Variants in DNM3 observed in about 807,000 individuals in gnomAD.
DNM3 encodes dynamin-3.
DNM3 carries 47 observed loss-of-function variants against 101.6 expected under a neutral mutation model. That is an observed-to-expected ratio of 0.46 (90% CI 0.37 to 0.59). DNM3 has a LOEUF of 0.59. Ranked by LOEUF, DNM3 falls within the 20% of genes least tolerant of loss-of-function variation. DNM3 has a pLI of 0.00. For synonymous variants in DNM3, 385 were observed against 387.9 expected, an observed-to-expected ratio of 0.99 and a Z score of 0.09; for missense variants, 849 against 1,085.7, an observed-to-expected ratio of 0.78 and a Z score of 3.06.
chr1:172,010,984 G>A (rs2047088244), intron 4 of DNM3, among the ~76,000 whole-genome samples: 1 of 151,258 alleles, frequency 6.6e-6, no homozygotes, highest in Non-Finnish European at 1.5e-5. Context: ...GTTGAATACT[G>A]GATATTTTGA....
intron 15 of DNM3, among the ~76,000 whole-genome samples, chr1:172,280,124 C>G (rs1250336163): frequency 1.3e-5 from 2 of 152,006 alleles, no homozygotes; most frequent in Non-Finnish European, 2.9e-5. Context: ...TGTCTGAGGG[C>G]CTTTGCATTC....
At chr1:172,219,450 T>A (rs1236323544) in intron 14 of DNM3, among the ~76,000 whole-genome samples, 2 of 141,862 alleles carry the variant, frequency 1.4e-5, no homozygotes, top group Non-Finnish European at 3.0e-5. Context: ...TTGTAAACAA[T>A]GAGGCTTGAT....
intron 2 of DNM3, among the ~76,000 whole-genome samples, chr1:171,939,482 T>C (rs1156646115): frequency 6.6e-6 from 1 of 152,172 alleles, no homozygotes; most frequent in Non-Finnish European, 1.5e-5. Context: ...ACGATTATAC[T>C]TCTCTGAACT....
intron 15 of DNM3, chr1:172,289,376 T>C (rs2063817468): frequency 5.4e-6 from 1 of 185,314 alleles, no homozygotes; most frequent in Non-Finnish European, 1.0e-5. Context: ...ACATCCATAA[T>C]TGATACAAAT....
intron 4 of DNM3, among the ~76,000 whole-genome samples, chr1:172,026,108 C>T (rs1201930537): frequency 6.6e-6 from 1 of 152,026 alleles, no homozygotes; most frequent in African/African-American, 2.4e-5. Flanking sequence ...TAGAGAAGAA[C>T]ATAAATGACC....
intron 14 of DNM3, among the ~76,000 whole-genome samples, chr1:172,172,412 A>G (rs2058995801): frequency 6.6e-6 from 1 of 151,740 alleles, no homozygotes; most frequent in African/African-American, 2.4e-5. Flanking sequence ...TAGCAAAGAC[A>G]GCATGGATAC....
At chr1:171,970,542 T>C (rs1406200677) in intron 2 of DNM3, among the ~76,000 whole-genome samples, 1 of 152,060 alleles carries the variant, frequency 6.6e-6, no homozygotes, top group Non-Finnish European at 1.5e-5. Flanking sequence ...TTATTTTAAA[T>C]GTGATAGATA....
chr1:172,352,805 ACC>A (rs2067256201), intron 17 of DNM3, among the ~76,000 whole-genome samples: 1 of 152,128 alleles, frequency 6.6e-6, no homozygotes, highest in Non-Finnish European at 1.5e-5. Flanking sequence ...TCTCTGGAAG[ACC>A]CATATGCACC....
chr1:172,134,945 T>A (rs1035560695), intron 14 of DNM3, among the ~76,000 whole-genome samples: 1 of 151,952 alleles, frequency 6.6e-6, no homozygotes, highest in Non-Finnish European at 1.5e-5. Flanking sequence ...TGATGAGAAG[T>A]TTTTTAAGCT....
chr1:172,214,926 T>G (rs1443623696), intron 14 of DNM3, among the ~76,000 whole-genome samples: 1 of 152,124 alleles, frequency 6.6e-6, no homozygotes, highest in East Asian at 1.9e-4. Flanking sequence ...ATCTATGGTG[T>G]AAAGTGCCGA....
intron 17 of DNM3, among the ~76,000 whole-genome samples, chr1:172,364,899 G>A (rs892684678): frequency 2.6e-5 from 4 of 151,866 alleles, no homozygotes; most frequent in African/African-American, 4.8e-5. Flanking sequence ...CACCATGATT[G>A]TAAGTTTCTT....
intron 15 of DNM3, among the ~76,000 whole-genome samples, chr1:172,305,497 A>G (rs908394708): frequency 6.6e-6 from 1 of 152,216 alleles, no homozygotes; most frequent in African/African-American, 2.4e-5. Flanking sequence ...ATTCCAATCA[A>G]TAGAAAAAGA....
chr1:172,117,321 A>G (rs918504900), intron 13 of DNM3, among the ~76,000 whole-genome samples: 3 of 151,892 alleles, frequency 2.0e-5, no homozygotes, highest in Non-Finnish European at 4.4e-5. Context: ...TTTGTGACTG[A>G]TATGGTTTGA....
intron 6 of DNM3, among the ~76,000 whole-genome samples, chr1:172,035,922 A>T (rs1468714938): frequency 6.6e-6 from 1 of 152,192 alleles, no homozygotes; most frequent in Non-Finnish European, 1.5e-5. Context: ...CTAACCTCAG[A>T]TAAACATAAA....
chr1:172,043,123 C>T (rs1415005789), intron 8 of DNM3, among the ~76,000 whole-genome samples: 1 of 152,046 alleles, frequency 6.6e-6, no homozygotes, highest in African/African-American at 2.4e-5. Flanking sequence ...AGTAAAAGTG[C>T]CCCAGCAAGA....
intron 17 of DNM3, among the ~76,000 whole-genome samples, chr1:172,372,621 C>T (rs1170255841): frequency 1.3e-5 from 2 of 150,346 alleles, no homozygotes; most frequent in Non-Finnish European, 3.0e-5. Context: ...ATAATGTTAC[C>T]ATATCACTTT....
At chr1:172,353,954 G>A (rs746090341) in intron 17 of DNM3, among the ~76,000 whole-genome samples, 3 of 152,022 alleles carry the variant, frequency 2.0e-5, no homozygotes, top group Non-Finnish European at 4.4e-5. Context: ...TGCTTAGGAT[G>A]TAAACTGCTT....
At chr1:172,051,429 T>A (rs1335612489) in intron 10 of DNM3, among the ~76,000 whole-genome samples, 1 of 152,198 alleles carries the variant, frequency 6.6e-6, no homozygotes, top group Non-Finnish European at 1.5e-5. Flanking sequence ...GTAGATATCA[T>A]GTCCAATGCC....
At position 172,290,224 on chromosome 1, in the gene DNM3, A is replaced by G. The variant is rs185641305; in HGVS notation, c.1770-18504A>G. 2.8e-3 allele frequency: 423 copies of G among 151,282 alleles called. 3 individuals carry two copies. The highest frequency in any genetic ancestry group is 4.6e-3 in the Non-Finnish European group (331 of 71,358). The allele number at this position is 151,282 out of a possible 1,614,324, so 9.4% of individuals were successfully genotyped here. On this transcript the variant is annotated intron_variant, in intron 15 of 20. Coordinates refer to ENST00000627582, the MANE Select transcript of DNM3 (RefSeq NM_015569.5). ...AGATGAGGCAGCAGATAGTTAACAT[A>G]CCTAATTTTACATACAGATAATTGT...
Sources: allele counts gnomAD v4.1 joint callset (sites outside exome capture counted in the v4.1 genomes callset), GRCh38; gene constraint gnomAD v4.1.1; transcripts MANE v1.5; gene names NCBI Gene and HGNC (gene_info 2026-07-23, HGNC 2026-07-21).